CFAP61: variants seen among roughly 807,000 people sequenced by gnomAD.
CFAP61 encodes the protein cilia and flagella associated protein 61, also known as cilia- and flagella-associated protein 61.
Under a neutral mutation model 135.6 loss-of-function variants are expected in CFAP61, and 107 were observed. The observed-to-expected ratio is 0.79, with a 90% CI of 0.67 to 0.93. The LOEUF (loss-of-function observed/expected upper bound fraction) is 0.93. Ranked by LOEUF, CFAP61 falls within the 40% of genes least tolerant of loss-of-function variation. The probability of loss-of-function intolerance (pLI) is 0.00; values close to 1 mark genes in which losing one functional copy is unlikely to be tolerated. For synonymous variants in CFAP61, 575 were observed against 578.5 expected (o/e 0.99, Z 0.09); for missense variants, 1,507 against 1,556.2 (o/e 0.97, Z 0.53).
At chr20:20,078,809 G>A (rs1037991430) in intron 6 of CFAP61, among the ~76,000 whole-genome samples, 60 of 152,260 alleles carry the variant, frequency 3.9e-4, no homozygotes, top group African/African-American at 1.4e-3. Context: ...ATTAGATTTG[G>A]CAATTTAAAA....
At chr20:20,322,176 C>T (rs2057549873) in intron 25 of CFAP61, among the ~76,000 whole-genome samples, 1 of 152,158 alleles carries the variant, frequency 6.6e-6, no homozygotes, top group East Asian at 1.9e-4. Context: ...CTGAGTGGCC[C>T]CCAGTCACTC....
In CFAP61 at chr20:20,070,843, C is replaced by A. The variant is rs1446227267; in HGVS notation, c.144-11C>A. The A allele has an allele frequency of 1.2e-6, 2 of 1,606,918 alleles. No homozygotes were observed. The highest frequency in any genetic ancestry group is 3.4e-5 in the Admixed American group (2 of 58,454). On this transcript the variant is annotated splice_polypyrimidine_tract_variant and intron_variant, in intron 2 of 26. Coordinates refer to ENST00000245957, the MANE Select transcript of CFAP61 (RefSeq NM_015585.4). ...TCTTATTCATGTTTGCAATTGTAAT[C>A]ATTTCTGCAGAGAAAAGGCCAACCT...
chr20:20,115,029 G>A (rs1358796076), intron 8 of CFAP61, among the ~76,000 whole-genome samples: 1 of 152,094 alleles, frequency 6.6e-6, no homozygotes, highest in Non-Finnish European at 1.5e-5. Flanking sequence ...GAATTACATT[G>A]ATTGACTTTT....
chr20:20,360,487 C>T lies in CFAP61; in HGVS notation c.*77C>T. ...CGCGCTCTGTAGAAATAGAAAAGTT[C>T]TCTGCAGCCTGGTTTGACAGCGAAG... On this transcript the variant is annotated 3_prime_UTR_variant, in exon 27 of 27. Transcript: ENST00000245957. 1 of 1,364,642 alleles carries T rather than the reference C, an allele frequency of 7.3e-7. No homozygotes were observed. Among genetic ancestry groups the T allele is most frequent in the Non-Finnish European group, 1.0e-6 (1 of 975,868 alleles). The allele number at this position is 1,364,642 out of a possible 1,614,324, so 84.5% of individuals were successfully genotyped here.
At chr20:20,203,512 C>T (rs1395914314) in intron 17 of CFAP61, among the ~76,000 whole-genome samples, 1 of 151,944 alleles carries the variant, frequency 6.6e-6, no homozygotes, top group East Asian at 1.9e-4. Flanking sequence ...CAGTAGGTAT[C>T]GATGTTTATA....
At chr20:20,305,762 CTCAT>C (rs1294833567) in intron 25 of CFAP61, among the ~76,000 whole-genome samples, 5 of 152,220 alleles carry the variant, frequency 3.3e-5, no homozygotes, top group African/African-American at 1.2e-4. Flanking sequence ...TTGCTTCCCA[CTCAT>C]TCAATTACAG....
chr20:20,301,285 T>C (rs150145311), intron 25 of CFAP61, among the ~76,000 whole-genome samples: 44 of 152,298 alleles, frequency 2.9e-4, no homozygotes, highest in East Asian at 5.8e-4. Flanking sequence ...GGAGTTACAA[T>C]TGCCTACAGT....
At chr20:20,086,057 C>T (rs73125628) in intron 6 of CFAP61, among the ~76,000 whole-genome samples, 35,459 of 151,982 alleles carry the variant, frequency 0.23, 4,770 homozygotes, top group Middle Eastern at 0.36. Context: ...GGCTTTAGTG[C>T]GTCATCTGTG....
In CFAP61 at chr20:20,302,851, G is replaced by A. The variant is rs530576857; in HGVS notation, c.3422+4465G>A. ...TTTTCTAAGCATTCTTACCATGAAT[G>A]GATTTTTATTTTTATTTTTCGGAAA... is the stretch of plus-strand genomic sequence containing the variant. On this transcript the variant is annotated intron_variant, in intron 25 of 26. Transcript: ENST00000245957. Among the ~76,000 whole-genome samples, 9 of 152,206 alleles carry A rather than the reference G, an allele frequency of 5.9e-5. No homozygotes were observed. In the South Asian group the frequency reaches 1.7e-3, roughly 28 times the overall value.
At chr20:20,349,560 G>T (rs2058756648) in intron 26 of CFAP61, among the ~76,000 whole-genome samples, 1 of 152,130 alleles carries the variant, frequency 6.6e-6, no homozygotes, top group Admixed American at 6.5e-5. Flanking sequence ...ATTCCAGCAT[G>T]AGAGTTGAAG....
At chr20:20,103,794 T>C (rs141739161) in intron 8 of CFAP61, among the ~76,000 whole-genome samples, 1 of 152,316 alleles carries the variant, frequency 6.6e-6, no homozygotes, top group African/African-American at 2.4e-5. Flanking sequence ...ATAAATATTT[T>C]GGAATCAAGC....
chr20:20,200,518 G>T (rs2056560732), intron 17 of CFAP61, among the ~76,000 whole-genome samples: 1 of 152,142 alleles, frequency 6.6e-6, no homozygotes, highest in Non-Finnish European at 1.5e-5. Flanking sequence ...TTTATAAATG[G>T]AAATGTACCT....
intron 8 of CFAP61, chr20:20,107,626 A>T (rs917631778): frequency 1.3e-5 from 2 of 152,070 alleles, no homozygotes; most frequent in African/African-American, 2.4e-5. Flanking sequence ...ACTTAAAAAA[A>T]TTTTTTTTCT....
intron 2 of CFAP61, among the ~76,000 whole-genome samples, chr20:20,061,526 C>A (rs186346597): frequency 2.0e-5 from 3 of 152,256 alleles, no homozygotes; most frequent in African/African-American, 7.2e-5. Flanking sequence ...ATTGCTATAT[C>A]AACAGCAGAC....
At chr20:20,128,909 A>C (rs1249176640) in intron 8 of CFAP61, among the ~76,000 whole-genome samples, 1 of 151,648 alleles carries the variant, frequency 6.6e-6, no homozygotes, top group Non-Finnish European at 1.5e-5. Flanking sequence ...TCTATACTTT[A>C]ACTCCATTCC....
At chr20:20,301,805 ACTTT>A (rs761931553) in intron 25 of CFAP61, among the ~76,000 whole-genome samples, 18 of 152,134 alleles carry the variant, frequency 1.2e-4, no homozygotes, top group Non-Finnish European at 2.5e-4. Flanking sequence ...TTATCTTTTT[ACTTT>A]CTTTATGATG....
intron 17 of CFAP61, among the ~76,000 whole-genome samples, chr20:20,224,872 A>C (rs985584547): frequency 6.6e-6 from 1 of 152,190 alleles, no homozygotes; most frequent in Non-Finnish European, 1.5e-5. Flanking sequence ...ATAATTTTCC[A>C]TTATGAGGAT....
intron 8 of CFAP61, among the ~76,000 whole-genome samples, chr20:20,130,320 T>C (rs1303929010): frequency 6.6e-6 from 1 of 151,704 alleles, no homozygotes; most frequent in African/African-American, 2.4e-5. Flanking sequence ...CTGAGTTTCC[T>C]TAAAACTGCT....
intron 13 of CFAP61, among the ~76,000 whole-genome samples, chr20:20,181,712 T>A (rs1394986961): frequency 6.6e-6 from 1 of 152,156 alleles, no homozygotes; most frequent in Non-Finnish European, 1.5e-5. Context: ...TGTGGATGGG[T>A]AATGAAAAAC....
Sources: gnomAD v4.1 joint callset for allele counts (sites outside exome capture counted in the v4.1 genomes callset) on GRCh38, gnomAD v4.1.1 for gene constraint, MANE v1.5 for transcripts, NCBI Gene and HGNC (gene_info 2026-07-23, HGNC 2026-07-21) for gene names.